Variants in HMGCLL1 observed in about 807,000 individuals in gnomAD.
The protein encoded by HMGCLL1 is 3-hydroxy-3-methylglutaryl-CoA lyase like 1.
A neutral mutation model predicts 39.1 loss-of-function variants in HMGCLL1; 36 were observed. The ratio of observed to expected loss-of-function variants is 0.92; its 90% CI spans 0.71 to 1.22. HMGCLL1 has a LOEUF of 1.22. Among genes scored for constraint, HMGCLL1 ranks in the 50% most tolerant of loss-of-function variants. HMGCLL1 has a pLI of 0.00. For synonymous variants in HMGCLL1, 149 were observed against 144.0 expected (o/e 1.03, Z -0.25); for missense variants, 451 against 416.5 (o/e 1.08, Z -0.72).
chr6:55,469,872 T>C (rs1416557869), intron 7 of HMGCLL1, among the ~76,000 whole-genome samples: 1 of 151,924 alleles, frequency 6.6e-6, no homozygotes, highest in Non-Finnish European at 1.5e-5. Context: ...TTTATCATCA[T>C]GAAGTATAAA....
the HMGCLL1 span, among the ~76,000 whole-genome samples, chr6:55,620,340 A>C: frequency 1.3e-5 from 2 of 151,996 alleles, no homozygotes; most frequent in African/African-American, 4.8e-5. Flanking sequence ...TTTTCTCCAT[A>C]TATTTGCCAG....
intron 3 of HMGCLL1, among the ~76,000 whole-genome samples, chr6:55,524,472 A>AAAAAC (rs748574798): frequency 0.014 from 2,152 of 150,904 alleles, 39 homozygotes; most frequent in Non-Finnish European, 0.024. Context: ...TTAAAAAAAA[A>AAAAAC]AAAAAAACGG....
At chr6:55,627,095 C>T in the HMGCLL1 span, among the ~76,000 whole-genome samples, 1 of 145,740 alleles carries the variant, frequency 6.9e-6, no homozygotes, top group South Asian at 2.2e-4. Flanking sequence ...GAGGTGCTTG[C>T]TGAAGGCAAA....
chr6:55,630,967 T>C, the HMGCLL1 span, among the ~76,000 whole-genome samples: 103 of 152,270 alleles, frequency 6.8e-4, 2 homozygotes, highest in East Asian at 0.019. Context: ...TTCTTTTCTC[T>C]TGCTGTTTTT....
intron 1 of HMGCLL1, chr6:55,566,593 G>T (rs1771226620): frequency 4.4e-6 from 2 of 455,882 alleles, no homozygotes; most frequent in Non-Finnish European, 8.8e-6. Context: ...AACCCTGAGG[G>T]GATCATTACA....
intron 5 of HMGCLL1, among the ~76,000 whole-genome samples, chr6:55,500,680 T>G (rs1024353973): frequency 6.6e-6 from 1 of 151,992 alleles, no homozygotes; most frequent in Non-Finnish European, 1.5e-5. Flanking sequence ...ATCCCTCCGT[T>G]ATTCCAATCA....
rs572862594 is a variant in HMGCLL1, at chr6:55,558,931, T to G, written c.109-16791A>C. Among the ~76,000 whole-genome samples, 15 of 152,292 alleles carry G rather than the reference T, an allele frequency of 9.8e-5. No homozygotes were observed. In the South Asian group the frequency reaches 3.1e-3, roughly 32 times the overall value. On this transcript the variant is annotated intron_variant, in intron 1 of 8. Coordinates refer to ENST00000274901, the MANE Select transcript of HMGCLL1 (RefSeq NM_001042406.2). ...TGTTCATAATCTGCCAGGACTATGA[T>G]TTTGGTTATCTAAATCTGATTTCCA...
At position 55,493,739 on chromosome 6, in the gene HMGCLL1, G is replaced by GTT. The variant is rs10708618; in HGVS notation, c.795+1678_795+1679dup. Among the ~76,000 whole-genome samples, 601 of 148,960 alleles carry GTT rather than the reference G, an allele frequency of 4.0e-3. 3 individuals are homozygous for GTT. The highest frequency in any genetic ancestry group is 0.011 in the African/African-American group (451 of 40,804). On this transcript the variant is annotated intron_variant, in intron 7 of 8. Coordinates refer to ENST00000274901, the MANE Select transcript of HMGCLL1 (RefSeq NM_001042406.2). Reference sequence around the variant, plus strand: ...TTTTGTTTTTTTTGTTTTTGTTTTTGTTTTTTTTTTTGAGAAGGAGTCTTG... The same window carrying GTT: ...TTTTGTTTTTTTTGTTTTTGTTTTTGTTTTTTTTTTTTTGAGAAGGAGTCTTG...
intron 1 of HMGCLL1, among the ~76,000 whole-genome samples, chr6:55,543,319 AAT>A (rs1490231734): frequency 2.1e-4 from 2 of 9,374 alleles, no homozygotes; most frequent in African/African-American, 6.7e-4. Context: ...TATAATATAT[AAT>A]ATATATTATA....
chr6:55,535,269 AC>A (rs1397175231), intron 3 of HMGCLL1, among the ~76,000 whole-genome samples: 2 of 152,218 alleles, frequency 1.3e-5, no homozygotes, highest in Non-Finnish European at 2.9e-5. Context: ...CAGAAAATGA[AC>A]CATGACAACT....
the HMGCLL1 span, among the ~76,000 whole-genome samples, chr6:55,606,025 A>G: frequency 0.021 from 3,126 of 152,248 alleles, 123 homozygotes; most frequent in African/African-American, 0.071. Context: ...GATGAATTGA[A>G]GAGGTTCAGG....
At chr6:55,603,167 T>G in the HMGCLL1 span, among the ~76,000 whole-genome samples, 1 of 152,110 alleles carries the variant, frequency 6.6e-6, no homozygotes, top group Admixed American at 6.6e-5. Context: ...TTATTCTAGT[T>G]TCTAGACAAC....
the HMGCLL1 span, among the ~76,000 whole-genome samples, chr6:55,633,834 CA>C: frequency 2.6e-5 from 4 of 151,914 alleles, no homozygotes; most frequent in African/African-American, 9.7e-5. Flanking sequence ...TATGTTGCCA[CA>C]ACTAAAGAAT....
At chr6:55,474,246 C>T (rs890320392) in intron 7 of HMGCLL1, among the ~76,000 whole-genome samples, 1 of 151,504 alleles carries the variant, frequency 6.6e-6, no homozygotes, top group East Asian at 1.9e-4. Context: ...ATTACACATA[C>T]ATAATGGATC....
chr6:55,627,901 TA>T, the HMGCLL1 span, among the ~76,000 whole-genome samples: 1 of 17,470 alleles, frequency 5.7e-5, no homozygotes, highest in African/African-American at 2.8e-4. Flanking sequence ...ATATATATAG[TA>T]TATATACTAT....
chr6:55,669,392 T>A, the HMGCLL1 span, among the ~76,000 whole-genome samples: 1 of 151,774 alleles, frequency 6.6e-6, no homozygotes, highest in East Asian at 1.9e-4. Context: ...CCTGCTGAAC[T>A]AAAAAACATC....
In HMGCLL1 at chr6:55,525,570, C is replaced by T. The variant is rs1043042709; in HGVS notation, c.298-8967G>A. Among the ~76,000 whole-genome samples the T allele has an allele frequency of 2.6e-5, 4 of 152,060 alleles. No homozygotes were observed. In the South Asian group the frequency reaches 6.2e-4, roughly 24 times the overall value. ...TGGAACTCTCTTAGAAAACCCACTT[C>T]CACCAAGTGGAACCGACTCAGTATG... On this transcript the variant is annotated intron_variant, in intron 3 of 8. Transcript: ENST00000274901.
chr6:55,677,184 C>A, the HMGCLL1 span, among the ~76,000 whole-genome samples: 1 of 152,094 alleles, frequency 6.6e-6, no homozygotes, highest in African/African-American at 2.4e-5. Flanking sequence ...ATCACTTGAG[C>A]TCAGGAATTT....
chr6:55,519,594 CTT>C (rs1767930053), intron 3 of HMGCLL1, among the ~76,000 whole-genome samples: 1 of 151,928 alleles, frequency 6.6e-6, no homozygotes, highest in Non-Finnish European at 1.5e-5. Flanking sequence ...AATAAGCAAA[CTT>C]ATTTCCGATA....
Sources: allele counts gnomAD v4.1 joint callset (sites outside exome capture counted in the v4.1 genomes callset), GRCh38; gene constraint gnomAD v4.1.1; transcripts MANE v1.5; gene names NCBI Gene and HGNC (gene_info 2026-07-23, HGNC 2026-07-21).